The following SPINK6 variants were observed in gnomAD, a reference collection of about 807,000 sequenced individuals.
SPINK6 encodes serine peptidase inhibitor Kazal type 6, also known as serine protease inhibitor Kazal-type 6.
SPINK6 carries 13 observed loss-of-function variants against 11.7 expected under a neutral mutation model. That is an observed-to-expected ratio of 1.11 (90% CI 0.72 to 1.76). SPINK6 has a LOEUF of 1.76. Among genes scored for constraint, SPINK6 ranks in the 40% most tolerant of loss-of-function variants. SPINK6 has a pLI of 0.00. For synonymous variants in SPINK6, 21 were observed against 31.9 expected, an observed-to-expected ratio of 0.66 and a Z score of 1.15; for missense variants, 98 against 93.7, an observed-to-expected ratio of 1.05 and a Z score of -0.19.
At chr5:148,210,007 C>CATACACACGTAGGTATGT (rs1554112271) in intron 2 of SPINK6, among the ~76,000 whole-genome samples, 2 of 105,730 alleles carry the variant, frequency 1.9e-5, no homozygotes, top group Non-Finnish European at 1.8e-5. Flanking sequence ...CGTATGTATA[C>CATACACACGTAGGTATGT]ATGTATGTAC....
rs1755491779 is a variant in SPINK6 at position 148,205,919 on chromosome 5, T to C, written c.59-117T>C. 6 of 1,064,736 alleles carry C rather than the reference T, an allele frequency of 5.6e-6. No individual in the cohort carries two copies. The Admixed American group carries it at 6.8e-5, about 12-fold the overall frequency. The allele number at this position is 1,064,736 out of a possible 1,614,324, so 66.0% of individuals were successfully genotyped here. A position where few individuals can be genotyped will look rare whatever the true frequency, so the allele number is the denominator to read the frequency against. ...ACAAAAACAAACAAAAAAAATACGA[T>C]GACTTTTTAAGATAGCCAAGTACCA... On this transcript the variant is annotated intron_variant, in intron 1 of 3. Transcript: ENST00000325630.
intron 2 of SPINK6, among the ~76,000 whole-genome samples, chr5:148,208,118 G>C (rs866459423): frequency 6.6e-6 from 1 of 152,118 alleles, no homozygotes; most frequent in Admixed American, 6.5e-5. Context: ...CTTACTTGCT[G>C]TATGACTTGA....
intron 2 of SPINK6, among the ~76,000 whole-genome samples, chr5:148,212,703 AC>A (rs1373607987): frequency 4.3e-5 from 5 of 117,046 alleles, no homozygotes; most frequent in South Asian, 2.4e-4. Flanking sequence ...ATATATTTAT[AC>A]AATATATAGT....
intron 2 of SPINK6, among the ~76,000 whole-genome samples, chr5:148,212,606 A>T (rs13170280): frequency 5.9e-5 from 6 of 102,084 alleles, no homozygotes; most frequent in African/African-American, 2.6e-4. Flanking sequence ...ATAATATATA[A>T]TATATATTTA....
Position 148,206,067 on chromosome 5 carries a change from C to T in SPINK6, c.81+9C>T. 6.2e-7 allele frequency: 1 copy of T among 1,613,928 alleles called. No individual in the cohort carries two copies. Among genetic ancestry groups the T allele is most frequent in the South Asian group, 1.1e-5 (1 of 91,070 alleles). On this transcript the variant is annotated intron_variant, in intron 2 of 3. Transcript: ENST00000325630. Reference sequence around the variant, plus strand: ...TCAGTCAGGGAGGACAGGTCAGTGCCTATTTTTATCTCTGCTTTCTGCCTG... The same window carrying T: ...TCAGTCAGGGAGGACAGGTCAGTGCTTATTTTTATCTCTGCTTTCTGCCTG...
At chr5:148,212,596 A>G (rs1755619605) in intron 2 of SPINK6, among the ~76,000 whole-genome samples, 1 of 105,262 alleles carries the variant, frequency 9.5e-6, no homozygotes, top group Non-Finnish European at 1.7e-5. Context: ...TATATTTTAT[A>G]TAATATATAA....
intron 2 of SPINK6, among the ~76,000 whole-genome samples, chr5:148,208,564 A>G (rs139970045): frequency 6.6e-6 from 1 of 152,332 alleles, no homozygotes. Flanking sequence ...AAAATATCAC[A>G]TTAATTTGAA....
At chr5:148,213,085 A>G (rs1286256630) in intron 2 of SPINK6, among the ~76,000 whole-genome samples, 1 of 151,556 alleles carries the variant, frequency 6.6e-6, no homozygotes, top group African/African-American at 2.4e-5. Flanking sequence ...GTGTATATAC[A>G]TAAACACATT....
At chr5:148,205,901 C>T (rs1755491245) in intron 1 of SPINK6, 135 bp from the exon 2 acceptor site, 1 of 901,404 alleles carries the variant, frequency 1.1e-6, no homozygotes, top group Admixed American at 2.5e-5. Context: ...AAAACAAAAA[C>T]AAACAAAAAA....
chr5:148,212,894 C>A (rs1755631270), intron 2 of SPINK6, among the ~76,000 whole-genome samples: 1 of 141,998 alleles, frequency 7.0e-6, no homozygotes, highest in African/African-American at 2.6e-5. Flanking sequence ...TATTTAGTAT[C>A]TATATGCTTT....
chr5:148,204,466 C>T (rs1755472723), intron 1 of SPINK6, among the ~76,000 whole-genome samples: 1 of 149,686 alleles, frequency 6.7e-6, no homozygotes, highest in Non-Finnish European at 1.5e-5. Flanking sequence ...TTTACCAAAG[C>T]ATGGATGCTT....
At chr5:148,204,761 T>C (rs1268426555) in intron 1 of SPINK6, among the ~76,000 whole-genome samples, 3 of 151,946 alleles carry the variant, frequency 2.0e-5, no homozygotes, top group Non-Finnish European at 4.4e-5. Context: ...ATAAAAAGAG[T>C]ACTAAATTGG....
intron 2 of SPINK6, among the ~76,000 whole-genome samples, chr5:148,212,488 A>ATATATATAACGTATATATTT (rs1554112540): frequency 1.1e-5 from 1 of 87,964 alleles, no homozygotes; most frequent in African/African-American, 3.9e-5. Context: ...TTTTATATAT[A>ATATATATAACGTATATATTT]TATATATATA....
At chr5:148,206,763 T>G (rs74834016) in intron 2 of SPINK6, among the ~76,000 whole-genome samples, 2,767 of 152,292 alleles carry the variant, frequency 0.018, 87 homozygotes, top group African/African-American at 0.063. Context: ...CAAGTACTAT[T>G]TGTTCTGCCA....
intron 2 of SPINK6, among the ~76,000 whole-genome samples, chr5:148,210,013 T>TGTATGTAA (rs1755559338): frequency 7.0e-6 from 1 of 143,702 alleles, no homozygotes; most frequent in Non-Finnish European, 1.5e-5. Flanking sequence ...TATACATGTA[T>TGTATGTAA]GTACGCATGT....
intron 2 of SPINK6, among the ~76,000 whole-genome samples, chr5:148,209,890 A>G (rs1350407846): frequency 6.6e-6 from 1 of 150,982 alleles, no homozygotes; most frequent in Admixed American, 6.6e-5. Context: ...GTTTGAAAGA[A>G]AAGAGTTGTA....
chr5:148,213,993 T>C lies in SPINK6; in HGVS notation c.165T>C (p.Tyr55=), dbSNP rs2113319728. Residue 55 remains tyrosine (Y), a synonymous_variant, in exon 3 of 4, where the codon TAT becomes TAC. Coordinates refer to ENST00000325630, the MANE Select transcript of SPINK6 (RefSeq NM_205841.4). ...NPHCGSDGQT[Y]GNKCAFCKAI... ...ACTGTGGCTCTGATGGCCAGACATATGGCAATAAATGTGCCTTCTGTAAGG... is the reference window on the plus strand; with the variant it reads ...ACTGTGGCTCTGATGGCCAGACATACGGCAATAAATGTGCCTTCTGTAAGG... 1.2e-6 allele frequency: 2 copies of C among 1,613,024 alleles called. No homozygotes were observed. Among genetic ancestry groups the C allele is most frequent in the Non-Finnish European group, 1.7e-6 (2 of 1,178,992 alleles).
intron 1 of SPINK6, among the ~76,000 whole-genome samples, chr5:148,204,752 TAA>T (rs1016327744): frequency 1.3e-5 from 2 of 152,156 alleles, no homozygotes; most frequent in Non-Finnish European, 2.9e-5. Context: ...TAAAGTTTAA[TAA>T]AAAGAGTACT....
chr5:148,208,215 C>G (rs1173578155), intron 2 of SPINK6, among the ~76,000 whole-genome samples: 1 of 152,154 alleles, frequency 6.6e-6, no homozygotes, highest in Non-Finnish European at 1.5e-5. Context: ...CCCCTTCCTG[C>G]CCTAACTGTC....
Sources: gnomAD v4.1 joint callset for allele counts (sites outside exome capture counted in the v4.1 genomes callset) on GRCh38, gnomAD v4.1.1 for gene constraint, MANE v1.5 for transcripts, NCBI Gene and HGNC (gene_info 2026-07-23, HGNC 2026-07-21) for gene names.